Variants in SHC4 observed in about 807,000 individuals in gnomAD.
The protein encoded by SHC4 is SHC-transforming protein 4.
In SHC4, 41 loss-of-function variants were observed where a neutral mutation model predicts 69.4. The observed-to-expected ratio is 0.59, with a 90% CI of 0.46 to 0.77. The LOEUF (loss-of-function observed/expected upper bound fraction) is 0.77, where lower values mean the gene tolerates loss of function less well. Among genes scored for constraint, SHC4 ranks in the 30% least tolerant of loss-of-function variants. The pLI is 0.00. For missense variants in SHC4, 777 were observed against 783.8 expected (o/e 0.99, Z 0.10); for synonymous variants, 318 against 299.3 (o/e 1.06, Z -0.64).
intron 8 of SHC4, among the ~76,000 whole-genome samples, chr15:48,853,609 C>CA (rs2140981104): frequency 6.6e-6 from 1 of 152,246 alleles, no homozygotes; most frequent in South Asian, 2.1e-4. Context: ...CTACAGTAAC[C>CA]AAAACAGCAT....
intron 6 of SHC4, among the ~76,000 whole-genome samples, chr15:48,867,327 GA>G (rs1899582635): frequency 6.6e-6 from 1 of 152,180 alleles, no homozygotes; most frequent in Non-Finnish European, 1.5e-5. Context: ...TGCTATCAAA[GA>G]AGGTCTCTGA....
intron 1 of SHC4, among the ~76,000 whole-genome samples, chr15:48,936,707 T>A (rs184435137): frequency 6.6e-6 from 1 of 152,330 alleles, no homozygotes; most frequent in East Asian, 1.9e-4. Context: ...TTTATAACAA[T>A]GTGAGAACAG....
intron 1 of SHC4, among the ~76,000 whole-genome samples, chr15:48,929,837 C>T (rs1265453513): frequency 1.3e-5 from 2 of 152,212 alleles, no homozygotes; most frequent in Non-Finnish European, 2.9e-5. Flanking sequence ...GACAACCTGC[C>T]CATTCAGCCC....
chr15:48,894,451 G>A (rs1400115869), intron 2 of SHC4, among the ~76,000 whole-genome samples: 2 of 152,160 alleles, frequency 1.3e-5, no homozygotes, highest in African/African-American at 2.4e-5. Context: ...CAAAGGTGTT[G>A]AGATGTGAAG....
intron 4 of SHC4, among the ~76,000 whole-genome samples, chr15:48,873,274 A>G (rs1049717568): frequency 4.6e-5 from 7 of 152,356 alleles, no homozygotes; most frequent in Non-Finnish European, 8.8e-5. Context: ...TTTCTGGAGC[A>G]CAGGAAGAAG....
At chr15:48,930,903 C>T (rs1362702661) in intron 1 of SHC4, among the ~76,000 whole-genome samples, 2 of 152,166 alleles carry the variant, frequency 1.3e-5, no homozygotes, top group Non-Finnish European at 2.9e-5. Flanking sequence ...TCACTCATGC[C>T]TCAACTCACA....
At chr15:48,886,494 G>A (rs139898761) in intron 3 of SHC4, among the ~76,000 whole-genome samples, 17 of 152,154 alleles carry the variant, frequency 1.1e-4, no homozygotes, top group African/African-American at 2.6e-4. Context: ...AAAAAGGAGC[G>A]GAAAGCACAC....
intron 6 of SHC4, among the ~76,000 whole-genome samples, chr15:48,862,122 G>A (rs897959179): frequency 1.3e-5 from 2 of 151,774 alleles, no homozygotes; most frequent in African/African-American, 4.8e-5. Flanking sequence ...CAGGACAGTC[G>A]TAGGCATACT....
intron 2 of SHC4, among the ~76,000 whole-genome samples, chr15:48,911,080 C>G (rs1268005744): frequency 6.6e-6 from 1 of 151,888 alleles, no homozygotes; most frequent in Non-Finnish European, 1.5e-5. Flanking sequence ...TCTGTTCAGT[C>G]CACTTGTTCC....
intron 2 of SHC4, among the ~76,000 whole-genome samples, chr15:48,902,769 G>C (rs77622955): frequency 6.6e-6 from 1 of 152,104 alleles, no homozygotes; most frequent in African/African-American, 2.4e-5. Context: ...CATGGAGTCT[G>C]CTGTGACTTC....
intron 1 of SHC4, among the ~76,000 whole-genome samples, chr15:48,955,185 T>A (rs1901425168): frequency 6.6e-6 from 1 of 152,170 alleles, no homozygotes; most frequent in Non-Finnish European, 1.5e-5. Flanking sequence ...GAGGACATTC[T>A]AAGCTTCTTT....
intron 5 of SHC4, among the ~76,000 whole-genome samples, chr15:48,870,007 T>C (rs535431571): frequency 2.4e-4 from 36 of 152,306 alleles, no homozygotes; most frequent in African/African-American, 8.4e-4. Flanking sequence ...ATTAAGATTC[T>C]GGAGAACAAT....
chr15:48,858,846 T>C (rs962474096), intron 6 of SHC4, among the ~76,000 whole-genome samples: 1 of 152,178 alleles, frequency 6.6e-6, no homozygotes, highest in Non-Finnish European at 1.5e-5. Context: ...AACAGTTTAA[T>C]ATACACAAGA....
intron 10 of SHC4, among the ~76,000 whole-genome samples, chr15:48,842,289 G>GT (rs1204150083): frequency 6.6e-6 from 1 of 152,178 alleles, no homozygotes; most frequent in African/African-American, 2.4e-5. Context: ...TTATTAAGGG[G>GT]TTTTGAAATG....
At chr15:48,857,437 A>G (rs566447895) in intron 7 of SHC4, among the ~76,000 whole-genome samples, 32 of 152,314 alleles carry the variant, frequency 2.1e-4, no homozygotes, top group African/African-American at 7.2e-4. Context: ...GAGATAATCT[A>G]TTCTTACTTT....
chr15:48,902,369 G>C (rs1248135451), intron 2 of SHC4, among the ~76,000 whole-genome samples: 1 of 152,070 alleles, frequency 6.6e-6, no homozygotes, highest in East Asian at 1.9e-4. Flanking sequence ...TTTCTATAAA[G>C]GCAGAATACA....
At chr15:48,903,590 A>C (rs908607482) in intron 2 of SHC4, among the ~76,000 whole-genome samples, 2 of 152,210 alleles carry the variant, frequency 1.3e-5, no homozygotes, top group African/African-American at 4.8e-5. Context: ...GGTCCAAATT[A>C]CGTGGAGACC....
chr15:48,845,045 CAG>C (rs1899060937), intron 9 of SHC4, among the ~76,000 whole-genome samples: 1 of 152,174 alleles, frequency 6.6e-6, no homozygotes, highest in Non-Finnish European at 1.5e-5. Context: ...TTTAGTTAAA[CAG>C]AATATGTGCT....
chr15:48,907,002 C>T (rs1017677767), intron 2 of SHC4, among the ~76,000 whole-genome samples: 1 of 152,002 alleles, frequency 6.6e-6, no homozygotes, highest in Admixed American at 6.6e-5. Context: ...TTTAAACATG[C>T]GATTAGAAAA....
Sources: gnomAD v4.1 joint callset for allele counts (sites outside exome capture counted in the v4.1 genomes callset) on GRCh38, gnomAD v4.1.1 for gene constraint, MANE v1.5 for transcripts, NCBI Gene and HGNC (gene_info 2026-07-23, HGNC 2026-07-21) for gene names.